Variants in RNF213 observed in about 807,000 individuals in gnomAD.
RNF213 encodes E3 ubiquitin-protein ligase RNF213.
A neutral mutation model predicts 514.4 loss-of-function variants in RNF213; 341 were observed. That is an observed-to-expected ratio of 0.66 (90% CI 0.61 to 0.73). The LOEUF is 0.73. Ranked by LOEUF, RNF213 falls within the 30% of genes least tolerant of loss-of-function variation. The pLI is 0.00. For synonymous variants in RNF213, 2,655 were observed against 2,658.2 expected (o/e 1.00, Z 0.04); for missense variants, 5,767 against 6,615.6 (o/e 0.87, Z 4.45).
rs780250341 is a variant in RNF213, at chr17:80,367,953, G to A, written c.11973-8G>A. The A allele has an allele frequency of 4.3e-6, 7 of 1,614,218 alleles. No individual in the cohort carries two copies. The highest frequency in any genetic ancestry group is 4.2e-6 in the Non-Finnish European group (5 of 1,180,042). On this transcript the variant is annotated splice_polypyrimidine_tract_variant and splice_region_variant and intron_variant, in intron 43 of 67. Coordinates refer to ENST00000582970, the MANE Select transcript of RNF213 (RefSeq NM_001256071.3). ...GCTTCAGAACTGATTGCCCTTCTTG[G>A]ATTCTAGGTTTGGGATTCAGCCGTG... is the stretch of plus-strand genomic sequence containing the variant.
At chr17:80,282,882 G>A (rs1486503837) in intron 3 of RNF213, among the ~76,000 whole-genome samples, 1 of 150,650 alleles carries the variant, frequency 6.6e-6, no homozygotes, top group East Asian at 2.0e-4. Flanking sequence ...ATTTTTAGTA[G>A]AGATGGGGTT....
intron 2 of RNF213, among the ~76,000 whole-genome samples, chr17:80,266,690 C>T (rs141142619): frequency 1.6e-4 from 25 of 151,810 alleles, no homozygotes; most frequent in Admixed American, 3.3e-4. Flanking sequence ...TTAGTAGAGA[C>T]GGCGTTTCAC....
At chr17:80,279,039 G>GT in intron 3 of RNF213, 1 of 1,227,912 alleles carries the variant, frequency 8.1e-7, no homozygotes, top group Non-Finnish European at 1.1e-6. Context: ...CAGGATGGGC[G>GT]TTTTCGGGTC....
chr17:80,334,631 T>G (rs2077932282), intron 22 of RNF213, among the ~76,000 whole-genome samples: 1 of 151,596 alleles, frequency 6.6e-6, no homozygotes. Flanking sequence ...TTTTTTTTGT[T>G]TGTTTGTTTT....
At chr17:80,274,789 A>G (rs184635632) in intron 3 of RNF213, among the ~76,000 whole-genome samples, 486 of 1,046 alleles carry the variant, frequency 0.46, 106 homozygotes, top group African/African-American at 0.66. Flanking sequence ...TCTGTGGGGG[A>G]TGAGTGGGGT....
rs755996239 is a variant in RNF213 at position 80,347,890 on chromosome 17, G to A, written c.9555G>A (p.Lys3185=). The A allele has an allele frequency of 3.7e-6, 6 of 1,614,242 alleles. No homozygotes were observed. ...DINTVLEKWQ[K]SIVEELCAWV... is the part of the protein sequence containing the mutation. ...ACACGGTGCTGGAGAAATGGCAGAA[G>A]AGCATCGTGGAGGAGCTCTGTGCGT... The change falls in exon 29 of 68, where the codon AAG becomes AAA. Residue 3185 remains lysine (K), a synonymous_variant. Coordinates refer to ENST00000582970, the MANE Select transcript of RNF213 (RefSeq NM_001256071.3). This position sits in a 1 kb window ranked among gnomAD's most constrained non-coding sequence, Gnocchi z 7.2.
At position 80,343,232 on chromosome 17, in the gene RNF213, G is replaced by A; in HGVS notation, c.6090G>A (p.Val2030=). 6.2e-7 allele frequency: 1 copy of A among 1,613,994 alleles called. No individual in the cohort carries two copies. The highest frequency in any genetic ancestry group is 1.1e-5 in the South Asian group (1 of 91,076). ...CAATTCGACTGATCGACCCTCAGGT[G>A]GATGAGAGCCGAGTCCTGGGCGCCC... ...LKTIRLIDPQ[V]DESRVLGALL... Residue 2030 remains valine, a synonymous_variant, in exon 27 of 68, where the codon GTG becomes GTA. Coordinates refer to ENST00000582970, the MANE Select transcript of RNF213 (RefSeq NM_001256071.3). This position sits in a 1 kb window ranked among gnomAD's most constrained non-coding sequence, Gnocchi z 4.3.
intron 42 of RNF213, among the ~76,000 whole-genome samples, 191 bp from the exon 43 acceptor site, chr17:80,367,557 G>A (rs1224167649): frequency 2.0e-5 from 3 of 152,160 alleles, no homozygotes; most frequent in Non-Finnish European, 4.4e-5. Context: ...GTAGTCCCCT[G>A]ACAAGCAGCA....
Position 80,288,517 on chromosome 17 carries a change from G to A in RNF213, c.811-116G>A, listed in dbSNP as rs2044559568. On this transcript the variant is annotated intron_variant, in intron 4 of 67. Transcript: ENST00000582970. This position sits in a 1 kb window ranked among gnomAD's most constrained non-coding sequence, Gnocchi z 4.9. ...GAGTCGGAGGGCTGCCCCTCCACTGGGGATGCCAGCCCACCCTGTCCCTCG... is the reference window on the plus strand; with the variant it reads ...GAGTCGGAGGGCTGCCCCTCCACTGAGGATGCCAGCCCACCCTGTCCCTCG... 3 of 1,605,946 alleles carry A rather than the reference G, an allele frequency of 1.9e-6. No individual in the cohort carries two copies. Among genetic ancestry groups the A allele is most frequent in the South Asian group, 2.2e-5 (2 of 90,688 alleles).
intron 13 of RNF213, among the ~76,000 whole-genome samples, chr17:80,308,434 C>G (rs1217714442): frequency 6.6e-6 from 1 of 151,934 alleles, no homozygotes; most frequent in Non-Finnish European, 1.5e-5. Flanking sequence ...TCCCAAGGCT[C>G]CTCCTGAGTC....
Position 80,385,529 on chromosome 17 carries a change from G to T in RNF213, c.14456-9G>T. 2.5e-6 allele frequency: 4 copies of T among 1,613,624 alleles called. No individual in the cohort carries two copies. Among genetic ancestry groups the T allele is most frequent in the Non-Finnish European group, 3.4e-6 (4 of 1,179,586 alleles). On this transcript the variant is annotated splice_polypyrimidine_tract_variant and intron_variant, in intron 60 of 67. Transcript: ENST00000582970. ...TCATACGGTTCTTACCAAGTATTCT[G>T]TTCAACAGATGGGTTGAGGCAGCTG...
At position 80,364,550 on chromosome 17, in the gene RNF213, C is replaced by T; in HGVS notation, c.11868C>T (p.Asp3956=). Residue 3956 remains aspartate, a synonymous_variant, in exon 42 of 68, where the codon GAC becomes GAT. Transcript: ENST00000582970. The part of the protein sequence containing the change: ...GLVTEHVFLL[D]KCLRENSDVK... ...TGACCGAGCACGTCTTCTTACTAGA[C>T]AAGGTGAGTACTTGGGCTGGCCTCA... 1 of 1,614,168 alleles carries T rather than the reference C, an allele frequency of 6.2e-7. No individual in the cohort carries two copies. The highest frequency in any genetic ancestry group is 8.5e-7 in the Non-Finnish European group (1 of 1,180,032).
chr17:80,352,106 G>A, intron 32 of RNF213: 1 of 283,852 alleles, frequency 3.5e-6, no homozygotes, highest in Non-Finnish European at 6.8e-6. Context: ...GCTCGCCCCA[G>A]CCTCCCAAAG....
At chr17:80,319,510 A>G (rs376630260) in intron 17 of RNF213, 198 bp downstream of exon 17, 705 of 1,613,506 alleles carry the variant, frequency 4.4e-4, no homozygotes, top group Non-Finnish European at 5.6e-4. Context: ...TGTGCTGCAC[A>G]GTCCCTGCTG....
At chr17:80,341,775 T>C (rs1390142424) in intron 26 of RNF213, 2 of 152,186 alleles carry the variant, frequency 1.3e-5, no homozygotes, top group Non-Finnish European at 2.9e-5. Context: ...CAAAAGATTA[T>C]AATACCATAT....
At position 80,294,805 on chromosome 17, in the gene RNF213, G is replaced by A. The variant is rs2044873612; in HGVS notation, c.1557G>A (p.Arg519=). 1 of 1,614,206 alleles carries A rather than the reference G, an allele frequency of 6.2e-7. No homozygotes were observed. Among genetic ancestry groups the A allele is most frequent in the Admixed American group, 1.7e-5 (1 of 60,016 alleles). ...TGAACCACATCACAGACGGGCCGAG[G>A]AAGGACCTGGTGAAGGGGAAGCAGA... ...KVMNHITDGP[R]KDLVKGKQIA... is the part of the protein sequence containing the mutation. Residue 519 remains arginine, a synonymous_variant, in exon 9 of 68, where the codon AGG becomes AGA. Transcript: ENST00000582970.
chr17:80,291,481 C>G, intron 7 of RNF213, 147 bp from the exon 8 acceptor site: 1 of 797,334 alleles, frequency 1.3e-6, no homozygotes, highest in East Asian at 2.6e-5. Context: ...CCTCAGCCTC[C>G]CATGGTGTTG....
intron 37 of RNF213, 94 bp downstream of exon 37, chr17:80,358,573 C>T: frequency 1.7e-6 from 2 of 1,203,356 alleles, no homozygotes; most frequent in South Asian, 1.2e-5. Flanking sequence ...AAACGCAGCC[C>T]TCAACTTCAG....
At chr17:80,390,362 A>G (rs1306015165) in intron 67 of RNF213, among the ~76,000 whole-genome samples, 166 bp downstream of exon 67, 2 of 152,056 alleles carry the variant, frequency 1.3e-5, no homozygotes, top group African/African-American at 4.8e-5. Flanking sequence ...TTTAATCTCT[A>G]CTGGGTTTTC....
Sources: gnomAD v4.1 joint callset for allele counts (sites outside exome capture counted in the v4.1 genomes callset) on GRCh38, gnomAD v4.1.1 for gene constraint, Gnocchi (gnomAD v3.1) non-coding constraint, MANE v1.5 for transcripts, NCBI Gene and HGNC (gene_info 2026-07-23, HGNC 2026-07-21) for gene names.